Variants in ZNF385D observed in about 807,000 individuals in gnomAD.
The protein encoded by ZNF385D is zinc finger protein 385D.
In ZNF385D, 15 loss-of-function variants were observed where a neutral mutation model predicts 35.8. The ratio of observed to expected loss-of-function variants is 0.42; its 90% CI spans 0.28 to 0.64. ZNF385D has a LOEUF of 0.64. ZNF385D is among the 30% of genes least tolerant of loss of function. The pLI is 0.23. For missense variants in ZNF385D, 474 were observed against 494.6 expected (o/e 0.96, Z 0.39); for synonymous variants, 212 against 186.8 (o/e 1.13, Z -1.10).
At chr3:21,998,399 T>C (rs1232426985) in intron 3 of ZNF385D, among the ~76,000 whole-genome samples, 1 of 152,198 alleles carries the variant, frequency 6.6e-6, no homozygotes, top group African/African-American at 2.4e-5. Flanking sequence ...AGCCCTAATT[T>C]TGGGGTACAC....
intron 1 of ZNF385D, among the ~76,000 whole-genome samples, chr3:21,739,849 C>T (rs1024374402): frequency 6.6e-6 from 1 of 152,150 alleles, no homozygotes; most frequent in African/African-American, 2.4e-5. Flanking sequence ...TGAAAGTGAA[C>T]CTGGTGACAG....
chr3:21,647,619 C>T (rs1035430048), intron 2 of ZNF385D, among the ~76,000 whole-genome samples: 35 of 152,252 alleles, frequency 2.3e-4, no homozygotes, highest in Middle Eastern at 6.8e-3. Flanking sequence ...TTTCATTCTA[C>T]TTTCACTGTA....
chr3:21,808,813 C>A (rs1223431796), intron 3 of ZNF385D, among the ~76,000 whole-genome samples: 1 of 152,186 alleles, frequency 6.6e-6, no homozygotes, highest in Non-Finnish European at 1.5e-5. Context: ...CACAGCAAAG[C>A]TCTGAGAATT....
At chr3:21,433,290 T>C (rs1387403094) in intron 5 of ZNF385D, among the ~76,000 whole-genome samples, 1 of 152,224 alleles carries the variant, frequency 6.6e-6, no homozygotes, top group Non-Finnish European at 1.5e-5. Flanking sequence ...TGAAAGATCA[T>C]TGGCTTTCCC....
intron 3 of ZNF385D, among the ~76,000 whole-genome samples, chr3:21,900,041 A>C (rs1312056961): frequency 1.3e-5 from 2 of 152,194 alleles, no homozygotes; most frequent in African/African-American, 4.8e-5. Context: ...CAAAAAAAGC[A>C]CTTGAGAAAC....
intron 1 of ZNF385D, among the ~76,000 whole-genome samples, chr3:21,689,363 TTACAA>T (rs2067210131): frequency 6.6e-6 from 1 of 152,078 alleles, no homozygotes; most frequent in Admixed American, 6.6e-5. Flanking sequence ...TCGATTCAAC[TTACAA>T]TACCTAGATG....
Position 21,681,012 on chromosome 3 carries a change from A to T in ZNF385D, c.23-15984T>A, listed in dbSNP as rs77526829. Among the ~76,000 whole-genome samples, 560 of 152,128 alleles carry T rather than the reference A, an allele frequency of 3.7e-3. 13 individuals carry two copies. Among genetic ancestry groups the T allele is most frequent in the Admixed American group, 0.029 (440 of 15,242 alleles). ...TTTGGATTTTATTTCTGTATTTTTA[A>T]AATGTTGTCTTCCATTGAATTGCCC... On this transcript the variant is annotated intron_variant, in intron 1 of 7. Transcript: ENST00000281523.
At chr3:21,942,252 A>T (rs1701560120) in intron 3 of ZNF385D, among the ~76,000 whole-genome samples, 2 of 152,146 alleles carry the variant, frequency 1.3e-5, no homozygotes, top group African/African-American at 4.8e-5. Flanking sequence ...AAATAAAATG[A>T]CTCCTTTTTT....
intron 3 of ZNF385D, among the ~76,000 whole-genome samples, chr3:21,804,949 G>A (rs905384327): frequency 6.6e-6 from 1 of 152,164 alleles, no homozygotes; most frequent in African/African-American, 2.4e-5. Flanking sequence ...GACTAGAAAA[G>A]CATTCAAATA....
chr3:21,707,914 G>C (rs1333863298), intron 1 of ZNF385D, among the ~76,000 whole-genome samples: 2 of 152,180 alleles, frequency 1.3e-5, no homozygotes, highest in Non-Finnish European at 2.9e-5. Context: ...TTAGTGACCT[G>C]AAGTCACTTA....
At chr3:21,723,316 G>A (rs145978923) in intron 1 of ZNF385D, among the ~76,000 whole-genome samples, 8 of 152,206 alleles carry the variant, frequency 5.3e-5, no homozygotes, top group African/African-American at 1.4e-4. Context: ...CAAATTGACC[G>A]AAGTATGCTT....
chr3:22,291,756 G>C (rs984162393), intron 2 of ZNF385D, among the ~76,000 whole-genome samples: 1 of 151,888 alleles, frequency 6.6e-6, no homozygotes, highest in African/African-American at 2.4e-5. Context: ...TTTTATTGCA[G>C]ATTTACTAAT....
At chr3:22,099,209 A>G (rs1244611587) in intron 3 of ZNF385D, among the ~76,000 whole-genome samples, 1 of 152,086 alleles carries the variant, frequency 6.6e-6, no homozygotes, top group African/African-American at 2.4e-5. Flanking sequence ...GCATCAAACC[A>G]CAAGATAGTA....
intron 2 of ZNF385D, among the ~76,000 whole-genome samples, chr3:22,170,019 G>C (rs990109008): frequency 1.3e-5 from 2 of 152,102 alleles, no homozygotes; most frequent in African/African-American, 2.4e-5. Flanking sequence ...CCATTCATAA[G>C]TAATTTAAAA....
chr3:21,946,567 C>T, intron 3 of ZNF385D, among the ~76,000 whole-genome samples: 1 of 152,168 alleles, frequency 6.6e-6, no homozygotes, highest in African/African-American at 2.4e-5. Context: ...CACAGTGGCT[C>T]ACACCTGTAA....
intron 4 of ZNF385D, among the ~76,000 whole-genome samples, chr3:21,448,759 A>G (rs563022993): frequency 2.7e-4 from 41 of 152,268 alleles, no homozygotes; most frequent in Non-Finnish European, 1.0e-4. Context: ...GAAACCACAT[A>G]AACTAGATTT....
chr3:22,260,224 A>C (rs1170855983), intron 2 of ZNF385D, among the ~76,000 whole-genome samples: 2 of 151,982 alleles, frequency 1.3e-5, no homozygotes, highest in African/African-American at 4.8e-5. Context: ...CATTCTCAGC[A>C]AACTAACACA....
At chr3:21,870,153 G>A (rs1697609110) in intron 3 of ZNF385D, among the ~76,000 whole-genome samples, 1 of 152,064 alleles carries the variant, frequency 6.6e-6, no homozygotes, top group East Asian at 1.9e-4. Context: ...AAATGCTTCA[G>A]GAATTATTTT....
chr3:21,425,002 A>G lies in ZNF385D; in HGVS notation c.852+490T>C, dbSNP rs567813524. 3.3e-5 allele frequency among the ~76,000 whole-genome samples: 5 copies of G among 152,348 alleles called. No homozygotes were observed. In the East Asian group the frequency reaches 9.6e-4, roughly 29 times the overall value. ...GAACACAACTTGATTAGTCATTCCTATTGCAGGTGGCTGCAAGATCTAAAC... is the reference window on the plus strand; with the variant it reads ...GAACACAACTTGATTAGTCATTCCTGTTGCAGGTGGCTGCAAGATCTAAAC... On this transcript the variant is annotated intron_variant, in intron 6 of 7. Coordinates refer to ENST00000281523, the MANE Select transcript of ZNF385D (RefSeq NM_024697.3).
Sources: allele counts gnomAD v4.1 joint callset (sites outside exome capture counted in the v4.1 genomes callset), GRCh38; gene constraint gnomAD v4.1.1; transcripts MANE v1.5; gene names NCBI Gene and HGNC (gene_info 2026-07-23, HGNC 2026-07-21).